ELAVL2: variants seen among roughly 807,000 people sequenced by gnomAD.
ELAVL2 encodes the protein ELAV like RNA binding protein 2.
Under a neutral mutation model 34.6 loss-of-function variants are expected in ELAVL2, and 4 were observed. The ratio of observed to expected loss-of-function variants is 0.12; its 90% confidence interval spans 0.06 to 0.26. The LOEUF (loss-of-function observed/expected upper bound fraction) is 0.26, where lower values mean the gene tolerates loss of function less well. Ranked by LOEUF, ELAVL2 falls within the 10% of genes least tolerant of loss-of-function variation. The pLI is 1.00. For missense variants in ELAVL2, 432 were observed against 442.8 expected, an observed-to-expected ratio of 0.98 and a Z score of 0.22; for synonymous variants, 193 against 154.8, an observed-to-expected ratio of 1.25 and a Z score of -1.83.
At chr9:23,739,115 T>C (rs936480063) in intron 2 of ELAVL2, among the ~76,000 whole-genome samples, 2 of 152,108 alleles carry the variant, frequency 1.3e-5, no homozygotes, top group African/African-American at 2.4e-5. Flanking sequence ...ATATCTTGCA[T>C]CCAAGACCAG....
intron 1 of ELAVL2, among the ~76,000 whole-genome samples, chr9:23,773,797 A>C (rs998037167): frequency 2.0e-5 from 3 of 152,196 alleles, no homozygotes; most frequent in African/African-American, 7.2e-5. Context: ...TTAATTACAT[A>C]TACATATTTT....
chr9:23,781,926 C>T (rs546095909), intron 1 of ELAVL2, among the ~76,000 whole-genome samples: 6 of 152,194 alleles, frequency 3.9e-5, no homozygotes, highest in South Asian at 4.1e-4. Context: ...CCTCGTGAGC[C>T]GCCCGCCTCG....
At chr9:23,741,462 C>T (rs2049157773) in intron 2 of ELAVL2, among the ~76,000 whole-genome samples, 1 of 152,146 alleles carries the variant, frequency 6.6e-6, no homozygotes, top group East Asian at 1.9e-4. Flanking sequence ...CTAGGGACCT[C>T]AGTGTTAGAA....
rs767197833 is a variant in ELAVL2 at position 23,701,489 on chromosome 9, C to T, written c.603G>A (p.Lys201=). 5.9e-5 allele frequency: 96 copies of T among 1,613,960 alleles called. No individual in the cohort carries two copies. The highest frequency in any genetic ancestry group is 7.4e-5 in the Non-Finnish European group (87 of 1,180,006). The part of the protein sequence containing the change: ...PPGATEPITV[K]FANNPSQKTN... Reference sequence around the variant, plus strand: ...TTTTTTGGCTTGGGTTATTAGCAAACTTTACAGTGATTGGCTCCGTGGCAC... The same window carrying T: ...TTTTTTGGCTTGGGTTATTAGCAAATTTTACAGTGATTGGCTCCGTGGCAC... Residue 201 remains lysine (K), a synonymous_variant, in exon 5 of 7, where the codon AAG becomes AAA. Transcript: ENST00000397312.
chr9:23,760,517 A>G (rs2054725118), intron 2 of ELAVL2, among the ~76,000 whole-genome samples: 1 of 152,076 alleles, frequency 6.6e-6, no homozygotes, highest in Admixed American at 6.6e-5. Context: ...AAACATGTTA[A>G]AAAGATGTTT....
At chr9:23,731,913 G>T (rs1351130078) in intron 2 of ELAVL2, among the ~76,000 whole-genome samples, 2 of 152,038 alleles carry the variant, frequency 1.3e-5, no homozygotes, top group African/African-American at 2.4e-5. Flanking sequence ...TCTCACTCCT[G>T]GTTCACTGAT....
the ELAVL2 span, among the ~76,000 whole-genome samples, chr9:23,832,784 C>T: frequency 6.6e-6 from 1 of 152,082 alleles, no homozygotes; most frequent in African/African-American, 2.4e-5. Flanking sequence ...TCTCAGAATG[C>T]ATTTAACTGA....
intron 1 of ELAVL2, among the ~76,000 whole-genome samples, chr9:23,813,913 G>A (rs1409218665): frequency 1.3e-5 from 2 of 152,162 alleles, no homozygotes; most frequent in East Asian, 1.9e-4. Flanking sequence ...GCTTTAGGAA[G>A]TATAGCATTA....
chr9:23,805,751 G>C (rs1028878145), intron 1 of ELAVL2, among the ~76,000 whole-genome samples: 2 of 152,164 alleles, frequency 1.3e-5, no homozygotes, highest in African/African-American at 4.8e-5. Flanking sequence ...TAGCCGAAGA[G>C]GGTTCCACAT....
At chr9:23,839,055 A>C in the ELAVL2 span, among the ~76,000 whole-genome samples, 1 of 152,176 alleles carries the variant, frequency 6.6e-6, no homozygotes, top group Non-Finnish European at 1.5e-5. Context: ...CTATTTAGAA[A>C]TAGTCTAATA....
intron 2 of ELAVL2, among the ~76,000 whole-genome samples, chr9:23,734,288 C>T (rs1196169600): frequency 6.6e-6 from 1 of 152,116 alleles, no homozygotes; most frequent in Non-Finnish European, 1.5e-5. Flanking sequence ...GATAGGCAAG[C>T]CTCCCCATTC....
intron 3 of ELAVL2, among the ~76,000 whole-genome samples, chr9:23,705,718 A>T (rs1282893316): frequency 6.6e-6 from 1 of 152,196 alleles, no homozygotes; most frequent in Non-Finnish European, 1.5e-5. Flanking sequence ...CCTGATGAGA[A>T]TCTAATGCTG....
At chr9:23,781,495 G>A (rs1268569659) in intron 1 of ELAVL2, among the ~76,000 whole-genome samples, 1 of 148,242 alleles carries the variant, frequency 6.7e-6, no homozygotes, top group African/African-American at 2.5e-5. Context: ...GCATATTTAA[G>A]AAAAGTTTCT....
rs1025379511 is a variant in ELAVL2 at position 23,692,890 on chromosome 9, A to G, written c.753-6T>C. The G allele has an allele frequency of 3.1e-6, 5 of 1,612,522 alleles. No individual in the cohort carries two copies. The highest frequency in any genetic ancestry group is 1.7e-4 in the Middle Eastern group (1 of 6,058). On this transcript the variant is annotated splice_region_variant and splice_polypyrimidine_tract_variant and intron_variant, in intron 6 of 6. Coordinates refer to ENST00000397312, the MANE Select transcript of ELAVL2 (RefSeq NM_004432.5). ...CAATGGTCATTGGAGAAAACCTGCT[A>G]AACAGAATAGGAAATACACACATAC...
At chr9:23,844,741 C>T in the ELAVL2 span, among the ~76,000 whole-genome samples, 1 of 151,926 alleles carries the variant, frequency 6.6e-6, no homozygotes, top group Non-Finnish European at 1.5e-5. Context: ...ATTGCCTTCT[C>T]AGCCTTTGTC....
At chr9:23,809,726 A>T (rs999594578) in intron 1 of ELAVL2, among the ~76,000 whole-genome samples, 6 of 152,176 alleles carry the variant, frequency 3.9e-5, no homozygotes, top group African/African-American at 1.4e-4. Context: ...ACACTATGTG[A>T]GAGATCAAGT....
chr9:23,723,133 G>A (rs2044164352), intron 3 of ELAVL2, among the ~76,000 whole-genome samples: 1 of 152,116 alleles, frequency 6.6e-6, no homozygotes, highest in Non-Finnish European at 1.5e-5. Flanking sequence ...TATGTTTATT[G>A]CGGCACTATT....
chr9:23,750,711 T>C lies in ELAVL2; in HGVS notation c.229+11295A>G, dbSNP rs1230942468. ...ATACACCATCAGTCTCTCATTTATA[T>C]TCAAAATGTTTAGATACATTTAAAG... On this transcript the variant is annotated intron_variant, in intron 2 of 6. Coordinates refer to ENST00000397312, the MANE Select transcript of ELAVL2 (RefSeq NM_004432.5). Among the ~76,000 whole-genome samples, 4 of 152,290 alleles carry C rather than the reference T, an allele frequency of 2.6e-5. No individual in the cohort carries two copies. In the East Asian group the frequency reaches 7.7e-4, roughly 29 times the overall value.
At chr9:23,738,756 T>C (rs1469605853) in intron 2 of ELAVL2, among the ~76,000 whole-genome samples, 4 of 152,090 alleles carry the variant, frequency 2.6e-5, no homozygotes, top group African/African-American at 9.7e-5. Flanking sequence ...AAGCTGCAAA[T>C]AGTGATCATT....
Sources: gnomAD v4.1 joint callset for allele counts (sites outside exome capture counted in the v4.1 genomes callset) on GRCh38, gnomAD v4.1.1 for gene constraint, MANE v1.5 for transcripts, NCBI Gene and HGNC (gene_info 2026-07-23, HGNC 2026-07-21) for gene names.